SPSB4: variants seen among roughly 807,000 people sequenced by gnomAD.
The protein encoded by SPSB4 is splA/ryanodine receptor domain and SOCS box containing 4, also known as SPRY domain-containing SOCS box protein 4.
A neutral mutation model predicts 20.9 loss-of-function variants in SPSB4; 21 were observed. The ratio of observed to expected loss-of-function variants is 1.01; its 90% CI spans 0.71 to 1.45. The LOEUF is 1.45. Among genes scored for constraint, SPSB4 ranks in the 40% most tolerant of loss-of-function variants. The pLI, the probability that SPSB4 is intolerant of heterozygous loss-of-function variation, is 0.00. For missense variants in SPSB4, 399 were observed against 399.2 expected (o/e 1.00, Z 0.00); for synonymous variants, 207 against 183.8 (o/e 1.13, Z -1.02).
intron 2 of SPSB4, among the ~76,000 whole-genome samples, chr3:141,068,194 A>G (rs1937926700): frequency 6.6e-6 from 1 of 152,258 alleles, no homozygotes; most frequent in Non-Finnish European, 1.5e-5. Context: ...TGGTATGCTC[A>G]GCACTCTGGC....
At chr3:141,114,114 C>T (rs1938848501) in intron 2 of SPSB4, among the ~76,000 whole-genome samples, 1 of 152,144 alleles carries the variant, frequency 6.6e-6, no homozygotes, top group East Asian at 1.9e-4. Context: ...TGATTAATTT[C>T]ATGTTATGTA....
chr3:141,125,426 T>A (rs1939036738), intron 2 of SPSB4, among the ~76,000 whole-genome samples: 1 of 152,176 alleles, frequency 6.6e-6, no homozygotes, highest in Non-Finnish European at 1.5e-5. Context: ...TGTGCCTTCA[T>A]CACATCATGG....
intron 2 of SPSB4, among the ~76,000 whole-genome samples, chr3:141,070,274 AG>A (rs1576518001): frequency 6.6e-6 from 1 of 152,174 alleles, no homozygotes; most frequent in Non-Finnish European, 1.5e-5. Flanking sequence ...TGAGTGGGTG[AG>A]GGGGGTGGTA....
chr3:141,126,980 T>G (rs1939058529), intron 2 of SPSB4, among the ~76,000 whole-genome samples: 1 of 152,202 alleles, frequency 6.6e-6, no homozygotes, highest in Admixed American at 6.5e-5. Flanking sequence ...GGGACCTTCT[T>G]CCACCTCTTC....
At chr3:141,068,114 A>G (rs1937925663) in intron 2 of SPSB4, among the ~76,000 whole-genome samples, 2 of 152,186 alleles carry the variant, frequency 1.3e-5, no homozygotes, top group Non-Finnish European at 2.9e-5. Context: ...CAAAATTTAC[A>G]TTTACTGGAG....
chr3:141,143,927 G>A (rs13318422), intron 2 of SPSB4, among the ~76,000 whole-genome samples: 72,086 of 152,150 alleles, frequency 0.47, 20,531 homozygotes, highest in African/African-American at 0.81. Flanking sequence ...ATATATAAAT[G>A]TAAGTAGACA....
intron 2 of SPSB4, among the ~76,000 whole-genome samples, chr3:141,118,001 C>A (rs1938906873): frequency 6.6e-6 from 1 of 152,130 alleles, no homozygotes; most frequent in African/African-American, 2.4e-5. Context: ...TGATTTATAA[C>A]CCTTTGGGTA....
At chr3:141,102,324 G>A (rs568680381) in intron 2 of SPSB4, among the ~76,000 whole-genome samples, 57 of 152,116 alleles carry the variant, frequency 3.7e-4, no homozygotes, top group Non-Finnish European at 7.6e-4. Flanking sequence ...CCCATGGAAC[G>A]TACAACTTAG....
intron 2 of SPSB4, among the ~76,000 whole-genome samples, chr3:141,075,136 C>CGTAATGCAGTTTCTGAGTCT (rs1184377110): frequency 1.3e-5 from 2 of 152,248 alleles, no homozygotes; most frequent in African/African-American, 2.4e-5. Context: ...TTTCTGAGTC[C>CGTAATGCAGTTTCTGAGTCT]GTATTGAAAA....
At chr3:141,138,065 G>A (rs1232453237) in intron 2 of SPSB4, among the ~76,000 whole-genome samples, 1 of 152,218 alleles carries the variant, frequency 6.6e-6, no homozygotes, top group Non-Finnish European at 1.5e-5. Flanking sequence ...AGTCTTGGGA[G>A]AGTGTATGTG....
At chr3:141,092,421 A>G (rs59881439) in intron 2 of SPSB4, among the ~76,000 whole-genome samples, 19,454 of 152,246 alleles carry the variant, frequency 0.13, 2,083 homozygotes, top group African/African-American at 0.27. Context: ...ATTCTCGACT[A>G]TCAACAAATG....
rs146593367 is a variant in SPSB4 at position 141,145,461 on chromosome 3, A to T, written c.695-1681A>T. Among the ~76,000 whole-genome samples, 880 of 152,248 alleles carry T rather than the reference A, an allele frequency of 5.8e-3. 9 individuals carry two copies. The highest frequency in any genetic ancestry group is 0.02 in the African/African-American group (839 of 41,536). On this transcript the variant is annotated intron_variant, in intron 2 of 2. Transcript: ENST00000310546. Reference sequence around the variant, plus strand: ...AAACATATTCTCGACTCTTGACTACATTCCCATGTAAAAAGTACTTCACTG... The same window carrying T: ...AAACATATTCTCGACTCTTGACTACTTTCCCATGTAAAAAGTACTTCACTG...
intron 2 of SPSB4, among the ~76,000 whole-genome samples, chr3:141,086,011 G>C (rs1938331635): frequency 6.6e-6 from 1 of 152,230 alleles, no homozygotes; most frequent in Non-Finnish European, 1.5e-5. Context: ...AATGGTCTGT[G>C]TGGTTGGAGC....
At chr3:141,057,069 C>G (rs1236687468) in intron 1 of SPSB4, among the ~76,000 whole-genome samples, 1 of 152,222 alleles carries the variant, frequency 6.6e-6, no homozygotes, top group Non-Finnish European at 1.5e-5. Flanking sequence ...GATTCTCGCT[C>G]CAGGAAAACA....
At chr3:141,135,446 T>C (rs1031398674) in intron 2 of SPSB4, among the ~76,000 whole-genome samples, 3 of 152,092 alleles carry the variant, frequency 2.0e-5, no homozygotes, top group Non-Finnish European at 4.4e-5. Context: ...GCTGCACCCA[T>C]TAACTCATCA....
At chr3:141,059,704 G>C (rs1396116416) in intron 1 of SPSB4, among the ~76,000 whole-genome samples, 1 of 152,160 alleles carries the variant, frequency 6.6e-6, no homozygotes, top group Non-Finnish European at 1.5e-5. Context: ...GCTTCAACAT[G>C]TGAATTTGGG....
At chr3:141,131,557 A>AGG (rs1222370515) in intron 2 of SPSB4, among the ~76,000 whole-genome samples, 4 of 148,968 alleles carry the variant, frequency 2.7e-5, no homozygotes, top group African/African-American at 1.0e-4. Context: ...CCCTAACTTC[A>AGG]TCACCTTGCT....
intron 2 of SPSB4, among the ~76,000 whole-genome samples, chr3:141,118,065 T>G (rs1938907653): frequency 6.6e-6 from 1 of 152,260 alleles, no homozygotes; most frequent in Admixed American, 6.5e-5. Context: ...TCTAGATCCT[T>G]GAGGAATCGC....
intron 2 of SPSB4, among the ~76,000 whole-genome samples, chr3:141,102,839 G>A (rs945442714): frequency 1.5e-4 from 23 of 152,280 alleles, no homozygotes; most frequent in Admixed American, 3.3e-4. Flanking sequence ...AGAAAGCATG[G>A]CCAAGAGAAC....
Sources: allele counts gnomAD v4.1 joint callset (sites outside exome capture counted in the v4.1 genomes callset), GRCh38; gene constraint gnomAD v4.1.1; transcripts MANE v1.5; gene names NCBI Gene and HGNC (gene_info 2026-07-23, HGNC 2026-07-21).